MAGI2: variants seen among roughly 807,000 people sequenced by gnomAD.
MAGI2 encodes the protein membrane associated guanylate kinase, WW and PDZ domain containing 2, also known as membrane-associated guanylate kinase, WW and PDZ domain-containing protein 2.
Under a neutral mutation model 133.3 loss-of-function variants are expected in MAGI2, and 35 were observed. That is an observed-to-expected ratio of 0.26 (90% CI 0.20 to 0.35). The LOEUF (loss-of-function observed/expected upper bound fraction) is 0.35, where lower values mean the gene tolerates loss of function less well. Ranked by LOEUF, MAGI2 falls within the 10% of genes least tolerant of loss-of-function variation. The pLI is 1.00. For missense variants in MAGI2, 1,636 were observed against 1,863.4 expected (o/e 0.88, Z 2.25); for synonymous variants, 729 against 710.6 (o/e 1.03, Z -0.41).
intron 2 of MAGI2, among the ~76,000 whole-genome samples, chr7:78,957,998 C>T (rs1435369719): frequency 6.6e-6 from 1 of 152,132 alleles, no homozygotes; most frequent in African/African-American, 2.4e-5. Flanking sequence ...ACCTGTAAGA[C>T]CCCTGTTCTT....
At chr7:78,129,357 T>G (rs899055749) in intron 18 of MAGI2, among the ~76,000 whole-genome samples, 1 of 152,198 alleles carries the variant, frequency 6.6e-6, no homozygotes, top group South Asian at 2.1e-4. Context: ...TGTTGCTAAC[T>G]TTTAAGTGAA....
chr7:79,269,149 T>C (rs1192175352), intron 1 of MAGI2, among the ~76,000 whole-genome samples: 1 of 152,134 alleles, frequency 6.6e-6, no homozygotes, highest in East Asian at 1.9e-4. Context: ...AAGTGAGGCA[T>C]TGTTAGCAGT....
intron 1 of MAGI2, among the ~76,000 whole-genome samples, chr7:79,402,688 G>A (rs911213169): frequency 5.3e-5 from 8 of 152,206 alleles, no homozygotes; most frequent in East Asian, 1.9e-4. Context: ...CAGGCTGGGC[G>A]CAGTGGCTCA....
intron 1 of MAGI2, among the ~76,000 whole-genome samples, chr7:79,318,836 C>T (rs942523999): frequency 2.0e-5 from 3 of 152,146 alleles, no homozygotes; most frequent in African/African-American, 7.2e-5. Context: ...TACTTACCAT[C>T]AGTTCAAGCA....
At chr7:78,357,154 T>A (rs1340470548) in intron 7 of MAGI2, among the ~76,000 whole-genome samples, 1 of 152,220 alleles carries the variant, frequency 6.6e-6, no homozygotes, top group Non-Finnish European at 1.5e-5. Context: ...ATGGACAGTG[T>A]GAAGTCTCTT....
chr7:79,171,485 T>A (rs559407115), intron 1 of MAGI2, among the ~76,000 whole-genome samples: 1 of 151,702 alleles, frequency 6.6e-6, no homozygotes, highest in Admixed American at 6.6e-5. Flanking sequence ...TTTGGGAGGA[T>A]GACATAATTT....
At chr7:79,015,018 T>C (rs1229542319) in intron 1 of MAGI2, among the ~76,000 whole-genome samples, 2 of 152,242 alleles carry the variant, frequency 1.3e-5, no homozygotes, top group Non-Finnish European at 2.9e-5. Flanking sequence ...GCTTGAAATA[T>C]CTTCATTCAT....
chr7:79,171,323 C>T (rs1169403768), intron 1 of MAGI2, among the ~76,000 whole-genome samples: 1 of 151,892 alleles, frequency 6.6e-6, no homozygotes, highest in Non-Finnish European at 1.5e-5. Flanking sequence ...CCTTTGTGTC[C>T]AAATCTTCCC....
At chr7:78,963,639 A>G (rs1180929153) in intron 2 of MAGI2, among the ~76,000 whole-genome samples, 1 of 152,032 alleles carries the variant, frequency 6.6e-6, no homozygotes, top group Non-Finnish European at 1.5e-5. Context: ...CTGAAACTCC[A>G]TACTTGAGCA....
chr7:79,007,728 G>C (rs1193580388), intron 1 of MAGI2, among the ~76,000 whole-genome samples: 1 of 151,944 alleles, frequency 6.6e-6, no homozygotes, highest in Non-Finnish European at 1.5e-5. Context: ...GTTATTGAAA[G>C]TTGCTCTAGA....
At chr7:79,367,675 T>C (rs754521308) in intron 1 of MAGI2, among the ~76,000 whole-genome samples, 4 of 151,854 alleles carry the variant, frequency 2.6e-5, no homozygotes, top group Non-Finnish European at 5.9e-5. Flanking sequence ...GGCATAAATA[T>C]ATGCTCAATA....
At chr7:79,255,931 A>C (rs1833648754) in intron 1 of MAGI2, among the ~76,000 whole-genome samples, 1 of 152,234 alleles carries the variant, frequency 6.6e-6, no homozygotes, top group Admixed American at 6.5e-5. Context: ...TATTAATGAA[A>C]GAAAGCACAT....
At chr7:78,631,453 C>A (rs1254364934) in intron 2 of MAGI2, among the ~76,000 whole-genome samples, 2 of 152,134 alleles carry the variant, frequency 1.3e-5, no homozygotes, top group Non-Finnish European at 2.9e-5. Context: ...TCCTGATGAG[C>A]CCTGGTGAAG....
intron 18 of MAGI2, among the ~76,000 whole-genome samples, chr7:78,131,510 A>C (rs1473546434): frequency 1.3e-5 from 2 of 152,152 alleles, no homozygotes; most frequent in African/African-American, 4.8e-5. Flanking sequence ...ATGGGAGGAG[A>C]GGGATGGGAA....
At chr7:78,219,216 C>T (rs1788564511) in intron 10 of MAGI2, among the ~76,000 whole-genome samples, 1 of 152,132 alleles carries the variant, frequency 6.6e-6, no homozygotes, top group South Asian at 2.1e-4. Context: ...TAGCTTCTGT[C>T]TGCAGGAGAG....
At chr7:78,118,651 A>T (rs1277916063) in intron 20 of MAGI2, among the ~76,000 whole-genome samples, 1 of 152,234 alleles carries the variant, frequency 6.6e-6, no homozygotes, top group Non-Finnish European at 1.5e-5. Context: ...CAACAATGAG[A>T]TACCACTGCA....
In MAGI2 at chr7:79,017,013, C is replaced by G. The variant is rs1213677660; in HGVS notation, c.302-9807G>C. Among the ~76,000 whole-genome samples, 12 of 152,376 alleles carry G rather than the reference C, an allele frequency of 7.9e-5. No individual in the cohort carries two copies. The East Asian group carries it at 1.9e-3, about 24-fold the overall frequency. On this transcript the variant is annotated intron_variant, in intron 1 of 21. Transcript: ENST00000354212. Reference sequence around the variant, plus strand: ...TCTCCACATAGTGGTGCCCTGCCAACACTGCTGTTGCAAGTGCCCCAACAA... The same window carrying G: ...TCTCCACATAGTGGTGCCCTGCCAAGACTGCTGTTGCAAGTGCCCCAACAA...
intron 2 of MAGI2, among the ~76,000 whole-genome samples, chr7:78,738,815 T>C (rs1321581315): frequency 6.6e-6 from 1 of 151,894 alleles, no homozygotes; most frequent in Non-Finnish European, 1.5e-5. Context: ...GGGGGAAGAA[T>C]AAAAAGAAAG....
chr7:78,816,174 CAA>C (rs1452279607), intron 2 of MAGI2, among the ~76,000 whole-genome samples: 2 of 152,206 alleles, frequency 1.3e-5, no homozygotes, highest in Non-Finnish European at 2.9e-5. Context: ...TTGCTGAAAT[CAA>C]AGCCTAATCC....
Sources: gnomAD v4.1 joint callset for allele counts (sites outside exome capture counted in the v4.1 genomes callset) on GRCh38, gnomAD v4.1.1 for gene constraint, MANE v1.5 for transcripts, NCBI Gene and HGNC (gene_info 2026-07-23, HGNC 2026-07-21) for gene names.